PDE2A: variants seen among roughly 807,000 people sequenced by gnomAD.
PDE2A encodes the protein phosphodiesterase 2A, also known as cGMP-dependent 3',5'-cyclic phosphodiesterase.
Under a neutral mutation model 133.6 loss-of-function variants are expected in PDE2A, and 53 were observed. The observed-to-expected ratio is 0.40, with a 90% confidence interval of 0.32 to 0.50. PDE2A has a LOEUF of 0.50. Ranked by LOEUF, PDE2A falls within the 20% of genes least tolerant of loss-of-function variation. PDE2A has a pLI of 0.73. For synonymous variants in PDE2A, 491 were observed against 490.2 expected, an observed-to-expected ratio of 1.00 and a Z score of -0.02; for missense variants, 796 against 1,232.4, an observed-to-expected ratio of 0.65 and a Z score of 5.30.
At chr11:72,581,307 G>GA (rs1301990617) in intron 23 of PDE2A, 50 bp downstream of exon 23, 2 of 1,456,834 alleles carry the variant, frequency 1.4e-6, no homozygotes, top group Non-Finnish European at 1.8e-6. Context: ...CCCTGTCCCA[G>GA]GGAGGGGACC....
intron 1 of PDE2A, chr11:72,658,154 G>A: frequency 2.2e-6 from 1 of 456,106 alleles, no homozygotes; most frequent in South Asian, 1.5e-5. Context: ...CCTCTGGGAA[G>A]CCTTTCAGGA....
chr11:72,653,382 G>A (rs1768922895), intron 1 of PDE2A, among the ~76,000 whole-genome samples: 1 of 152,184 alleles, frequency 6.6e-6, no homozygotes, highest in South Asian at 2.1e-4. Flanking sequence ...ATTCGGGAAG[G>A]TGGAAAAAGA....
chr11:72,614,327 T>C lies in PDE2A; in HGVS notation c.145-5576A>G, dbSNP rs559524794. ...GGTGAGGAGAATAGAGGAAAGAGGC[T>C]TGGCAACCCTTGGGAGGCTTAGTCT... On this transcript the variant is annotated intron_variant, in intron 2 of 30. Coordinates refer to ENST00000334456, the MANE Select transcript of PDE2A (RefSeq NM_002599.5). Among the ~76,000 whole-genome samples the C allele has an allele frequency of 2.6e-5, 4 of 152,296 alleles. No homozygotes were observed. In the East Asian group the frequency reaches 7.7e-4, roughly 29 times the overall value.
At chr11:72,588,589 G>A (rs1292380502) in intron 13 of PDE2A, among the ~76,000 whole-genome samples, 195 bp downstream of exon 13, 1 of 152,196 alleles carries the variant, frequency 6.6e-6, no homozygotes, top group African/African-American at 2.4e-5. Context: ...CAAACTTCAG[G>A]AAGCAGGAGA....
intron 19 of PDE2A, 83 bp downstream of exon 19, chr11:72,584,118 G>C: frequency 1.4e-6 from 1 of 736,346 alleles, no homozygotes; most frequent in Non-Finnish European, 2.3e-6. Context: ...CACAAGGAGA[G>C]TCAGTCGGAG....
rs761970599 is a variant in PDE2A, at chr11:72,584,186, C to G, written c.1650+15G>C. ...CCCCTATCACCCCACACCCCACTCC[C>G]AACCCCGCCCTCACATGGGCGATGC... is the stretch of plus-strand genomic sequence containing the variant. On this transcript the variant is annotated intron_variant, in intron 19 of 30. Transcript: ENST00000334456. 1.7e-5 allele frequency: 25 copies of G among 1,441,810 alleles called. No homozygotes were observed. Among genetic ancestry groups the G allele is most frequent in the Non-Finnish European group, 1.9e-5 (20 of 1,027,774 alleles). The allele number at this position is 1,441,810 out of a possible 1,614,324, so 89.3% of individuals were successfully genotyped here.
At chr11:72,657,818 A>G (rs918270462) in intron 1 of PDE2A, 3 of 454,762 alleles carry the variant, frequency 6.6e-6, no homozygotes, top group African/African-American at 2.0e-5. Context: ...TAAAACAAGC[A>G]CAGACCTGCC....
chr11:72,603,549 C>T (rs1009461697), intron 4 of PDE2A, among the ~76,000 whole-genome samples: 11 of 152,150 alleles, frequency 7.2e-5, no homozygotes, highest in African/African-American at 2.4e-4. Flanking sequence ...CAGGCTGCTC[C>T]GAGGAGCCTT....
intron 1 of PDE2A, chr11:72,668,149 C>A (rs1855290861): frequency 8.7e-6 from 6 of 691,466 alleles, no homozygotes; most frequent in Non-Finnish European, 1.6e-5. Context: ...GCTCTCTGCT[C>A]AGCTGTTCCT....
chr11:72,638,373 T>G lies in PDE2A; in HGVS notation c.144+3881A>C, dbSNP rs770717881. Among the ~76,000 whole-genome samples the G allele has an allele frequency of 1.2e-4, 19 of 152,340 alleles. 1 individual carries two copies. The highest frequency in any genetic ancestry group is 2.5e-4 in the Non-Finnish European group (17 of 68,028). On this transcript the variant is annotated intron_variant, in intron 2 of 30. Coordinates refer to ENST00000334456, the MANE Select transcript of PDE2A (RefSeq NM_002599.5). ...TCACTTGATGATAGGTGTGAGCATCTGGACTCTGCCAGACCCAGCTCAGGA... is the reference window on the plus strand; with the variant it reads ...TCACTTGATGATAGGTGTGAGCATCGGGACTCTGCCAGACCCAGCTCAGGA...
chr11:72,642,203 C>T, intron 2 of PDE2A, 51 bp downstream of exon 2: 1 of 1,395,466 alleles, frequency 7.2e-7, no homozygotes, highest in Non-Finnish European at 9.3e-7. Context: ...CCCGGCCCGG[C>T]GCTCGCCGGA....
chr11:72,639,802 G>C lies in PDE2A; in HGVS notation c.144+2452C>G, dbSNP rs72962134. ...GGGTAGGGGCAGCTGGGGTTGGGGG[G>C]GCATGGAGAACATTCCAGGGCATCT... On this transcript the variant is annotated intron_variant, in intron 2 of 30. Transcript: ENST00000334456. Among the ~76,000 whole-genome samples the C allele has an allele frequency of 9.5e-3, 1,446 of 152,246 alleles. 10 individuals are homozygous for C. Among genetic ancestry groups the C allele is most frequent in the Non-Finnish European group, 0.015 (1,006 of 67,994 alleles).
intron 16 of PDE2A, 170 bp from the exon 17 acceptor site, chr11:72,585,114 GTT>G (rs5792596): frequency 0.5 from 293,579 of 592,022 alleles, 31,501 homozygotes; most frequent in Admixed American, 0.54. Flanking sequence ...CAAGTGTTTT[GTT>G]TTTTTTTTTT....
At chr11:72,620,338 T>C (rs1028414578) in intron 2 of PDE2A, among the ~76,000 whole-genome samples, 3 of 151,916 alleles carry the variant, frequency 2.0e-5, no homozygotes, top group Admixed American at 2.0e-4. Flanking sequence ...AGAAGGCCCC[T>C]CAGAAGCCAC....
At chr11:72,596,034 C>T (rs1345462215) in intron 6 of PDE2A, among the ~76,000 whole-genome samples, 1 of 152,176 alleles carries the variant, frequency 6.6e-6, no homozygotes, top group Non-Finnish European at 1.5e-5. Context: ...AGCCCTGGGT[C>T]TGGCTGGCCT....
At chr11:72,644,851 G>A (rs1859087907) in intron 1 of PDE2A, among the ~76,000 whole-genome samples, 1 of 152,150 alleles carries the variant, frequency 6.6e-6, no homozygotes, top group African/African-American at 2.4e-5. Context: ...CCGCCTCCCG[G>A]GTTCAAGCAA....
chr11:72,642,950 G>C (rs958452331), intron 1 of PDE2A: 7 of 154,536 alleles, frequency 4.5e-5, no homozygotes, highest in African/African-American at 1.4e-4. Context: ...ACAGGCCCTG[G>C]AGCAGTCGCC....
At chr11:72,579,879 C>T in intron 25 of PDE2A, 1 of 446,820 alleles carries the variant, frequency 2.2e-6, no homozygotes, top group Middle Eastern at 5.9e-4. Flanking sequence ...TCCCTGAAAG[C>T]TGGAACATTT....
intron 1 of PDE2A, among the ~76,000 whole-genome samples, chr11:72,650,876 TA>T (rs1854719028): frequency 7.7e-6 from 1 of 130,314 alleles, no homozygotes. Context: ...CAGTCCCCAC[TA>T]CACACACACA....
Sources: gnomAD v4.1 joint callset for allele counts (sites outside exome capture counted in the v4.1 genomes callset) on GRCh38, gnomAD v4.1.1 for gene constraint, MANE v1.5 for transcripts, NCBI Gene and HGNC (gene_info 2026-07-23, HGNC 2026-07-21) for gene names.